CSMD1: variants seen among roughly 807,000 people sequenced by gnomAD.
CSMD1 encodes CUB and sushi domain-containing protein 1.
In CSMD1, 213 loss-of-function variants were observed where a neutral mutation model predicts 417.5. The observed-to-expected ratio is 0.51, with a 90% CI of 0.46 to 0.57. The LOEUF (loss-of-function observed/expected upper bound fraction) is 0.57. CSMD1 is among the 20% of genes least tolerant of loss of function. The probability of loss-of-function intolerance (pLI) is 0.00; values close to 1 mark genes in which losing one functional copy is unlikely to be tolerated. For synonymous variants in CSMD1, 2,862 were observed against 1,736.8 expected (o/e 1.65, Z -16.11); for missense variants, 6,923 against 4,529.7 (o/e 1.53, Z -15.17).
At chr8:3,402,361 C>G (rs1026580030) in intron 15 of CSMD1, among the ~76,000 whole-genome samples, 5 of 151,988 alleles carry the variant, frequency 3.3e-5, no homozygotes, top group African/African-American at 1.2e-4. Flanking sequence ...CACCCGTTTT[C>G]TACAGACTTT....
chr8:4,744,533 T>C (rs1467246304), intron 1 of CSMD1, among the ~76,000 whole-genome samples: 1 of 152,186 alleles, frequency 6.6e-6, no homozygotes, highest in Non-Finnish European at 1.5e-5. Flanking sequence ...GAATTACCTG[T>C]CTATATTTAG....
At chr8:3,722,808 C>T (rs1445728184) in intron 6 of CSMD1, among the ~76,000 whole-genome samples, 2 of 152,154 alleles carry the variant, frequency 1.3e-5, no homozygotes, top group Non-Finnish European at 2.9e-5. Flanking sequence ...TAACAAGGAA[C>T]GATGCTGGTC....
At chr8:3,037,125 C>G (rs1426770261) in intron 50 of CSMD1, among the ~76,000 whole-genome samples, 2 of 152,208 alleles carry the variant, frequency 1.3e-5, no homozygotes, top group African/African-American at 4.8e-5. Flanking sequence ...GCCTCCAGCT[C>G]CATCCAAGTC....
intron 10 of CSMD1, among the ~76,000 whole-genome samples, chr8:3,531,947 C>T (rs1797999648): frequency 6.6e-6 from 1 of 152,138 alleles, no homozygotes; most frequent in Admixed American, 6.5e-5. Context: ...AGGCTGAGGA[C>T]CCACCTGCAA....
chr8:4,761,923 CT>C (rs1812131777), intron 1 of CSMD1, among the ~76,000 whole-genome samples: 2 of 144,986 alleles, frequency 1.4e-5, no homozygotes, highest in African/African-American at 5.4e-5. Flanking sequence ...ATCTATCTAT[CT>C]ATCTATCTAT....
At chr8:4,881,099 C>A (rs1453045233) in intron 1 of CSMD1, among the ~76,000 whole-genome samples, 1 of 152,034 alleles carries the variant, frequency 6.6e-6, no homozygotes, top group Non-Finnish European at 1.5e-5. Context: ...CCACATTGTT[C>A]TTCCCCTATT....
intron 10 of CSMD1, among the ~76,000 whole-genome samples, chr8:3,503,339 C>T (rs1444099046): frequency 1.3e-5 from 2 of 152,210 alleles, no homozygotes; most frequent in African/African-American, 2.4e-5. Context: ...AGAGGATTCA[C>T]ACATTATTTC....
chr8:3,556,150 T>C (rs1176274626), intron 10 of CSMD1, among the ~76,000 whole-genome samples: 2 of 152,020 alleles, frequency 1.3e-5, no homozygotes, highest in Non-Finnish European at 2.9e-5. Flanking sequence ...CTATTCAGAA[T>C]CATCAATTTC....
chr8:4,237,274 G>T (rs554166206), intron 3 of CSMD1, among the ~76,000 whole-genome samples: 1 of 152,134 alleles, frequency 6.6e-6, no homozygotes, highest in Non-Finnish European at 1.5e-5. Flanking sequence ...CAGAGTGAGG[G>T]TGTTTATATT....
chr8:4,496,817 G>A (rs1802001859), intron 2 of CSMD1, among the ~76,000 whole-genome samples: 1 of 152,078 alleles, frequency 6.6e-6, no homozygotes, highest in Non-Finnish European at 1.5e-5. Flanking sequence ...ACTTTTGATG[G>A]GTAATCAAGG....
chr8:4,004,673 A>AT (rs765803677), intron 4 of CSMD1, among the ~76,000 whole-genome samples: 1 of 152,142 alleles, frequency 6.6e-6, no homozygotes, highest in Non-Finnish European at 1.5e-5. Flanking sequence ...TCACTTTCTT[A>AT]AAAAGATTCA....
Position 3,159,798 on chromosome 8 carries a change from G to T in CSMD1, c.5845-1832C>A, listed in dbSNP as rs529167169. ...TGCATCCACAGGCCTGTGTCCCTAA[G>T]CAGCATATTCAATAATCCATTATAA... On this transcript the variant is annotated intron_variant, in intron 38 of 69. Transcript: ENST00000635120. 3.3e-5 allele frequency among the ~76,000 whole-genome samples: 5 copies of T among 152,258 alleles called. No homozygotes were observed. In the East Asian group the frequency reaches 9.6e-4, roughly 29 times the overall value.
In CSMD1 at chr8:3,308,090, AAC is replaced by A. The variant is rs1805026823; in HGVS notation, c.3823+220_3823+221del. 4.1e-5 allele frequency among the ~76,000 whole-genome samples: 6 copies of A among 147,260 alleles called. No individual in the cohort carries two copies. The Admixed American group carries it at 4.2e-4, about 10-fold the overall frequency. On this transcript the variant is annotated intron_variant, in intron 24 of 69. Coordinates refer to ENST00000635120, the MANE Select transcript of CSMD1 (RefSeq NM_033225.6). ...AATAATATGTGATAATTCTAATAAT[AAC>A]ACTGTACCTATAGTCTCCATAACAG...
intron 1 of CSMD1, among the ~76,000 whole-genome samples, chr8:4,962,590 G>T (rs577260919): frequency 2.6e-5 from 4 of 152,232 alleles, no homozygotes; most frequent in Non-Finnish European, 1.5e-5. Flanking sequence ...AATCAGATGG[G>T]TATTTGATAA....
intron 11 of CSMD1, among the ~76,000 whole-genome samples, chr8:3,471,525 G>GTTCC (rs769764863): frequency 2.6e-5 from 3 of 114,282 alleles, no homozygotes; most frequent in African/African-American, 9.8e-5. Context: ...TCCTTCCTTC[G>GTTCC]TTCCTTCCTT....
chr8:4,975,505 A>C (rs1810498238), intron 1 of CSMD1, among the ~76,000 whole-genome samples: 3 of 152,208 alleles, frequency 2.0e-5, no homozygotes, highest in Admixed American at 6.5e-5. Context: ...GGCTGAAAGC[A>C]AAAGGCCAAA....
At chr8:3,378,577 T>A (rs1810452245) in intron 18 of CSMD1, among the ~76,000 whole-genome samples, 1 of 152,212 alleles carries the variant, frequency 6.6e-6, no homozygotes, top group Non-Finnish European at 1.5e-5. Context: ...ATCCCTGGGA[T>A]GCAAGGCTAG....
chr8:3,214,357 T>G, intron 30 of CSMD1, 140 bp downstream of exon 30: 1 of 683,934 alleles, frequency 1.5e-6, no homozygotes, highest in South Asian at 2.3e-5. Context: ...ATGACTGATA[T>G]TCGTTCCACA....
chr8:3,454,430 T>G (rs1815967837), intron 12 of CSMD1, among the ~76,000 whole-genome samples: 1 of 152,234 alleles, frequency 6.6e-6, no homozygotes, highest in Non-Finnish European at 1.5e-5. Flanking sequence ...CAATTTGGCA[T>G]GTTTTTGCAG....
Sources: gnomAD v4.1 joint callset for allele counts (sites outside exome capture counted in the v4.1 genomes callset) on GRCh38, gnomAD v4.1.1 for gene constraint, MANE v1.5 for transcripts, NCBI Gene and HGNC (gene_info 2026-07-23, HGNC 2026-07-21) for gene names.